The following HBEGF variants were observed in gnomAD, a reference collection of about 807,000 sequenced individuals.
HBEGF encodes the protein proheparin-binding EGF-like growth factor.
Under a neutral mutation model 19.5 loss-of-function variants are expected in HBEGF, and 8 were observed. That is an observed-to-expected ratio of 0.41 (90% confidence interval 0.24 to 0.74). HBEGF has a LOEUF of 0.74. Ranked by LOEUF, HBEGF falls within the 30% of genes least tolerant of loss-of-function variation. The probability of loss-of-function intolerance (pLI) is 0.32; values close to 1 mark genes in which losing one functional copy is unlikely to be tolerated. For synonymous variants in HBEGF, 97 were observed against 108.9 expected (o/e 0.89, Z 0.68); for missense variants, 207 against 256.9 (o/e 0.81, Z 1.33).
intron 2 of HBEGF, among the ~76,000 whole-genome samples, chr5:140,345,695 G>A (rs1766385312): frequency 6.6e-6 from 1 of 152,094 alleles, no homozygotes; most frequent in African/African-American, 2.4e-5. Flanking sequence ...GGAGTACCCA[G>A]AAGGGCAGCA....
At chr5:140,344,317 T>C (rs1436144168) in intron 2 of HBEGF, among the ~76,000 whole-genome samples, 1 of 152,144 alleles carries the variant, frequency 6.6e-6, no homozygotes, top group East Asian at 1.9e-4. Context: ...GCACCTGAGA[T>C]GCTGATCCAG....
At chr5:140,343,216 C>T (rs1197541440) in intron 2 of HBEGF, among the ~76,000 whole-genome samples, 2 of 152,156 alleles carry the variant, frequency 1.3e-5, no homozygotes, top group South Asian at 2.1e-4. Context: ...TTTCCTGATG[C>T]TGTACTCAGT....
chr5:140,335,763 G>T, intron 4 of HBEGF, 109 bp downstream of exon 4: 1 of 1,201,650 alleles, frequency 8.3e-7, no homozygotes, highest in Non-Finnish European at 1.2e-6. Flanking sequence ...GCTAGCCCAT[G>T]ATTTGGAAAG....
At chr5:140,345,536 A>G (rs1766382811) in intron 2 of HBEGF, among the ~76,000 whole-genome samples, 2 of 152,160 alleles carry the variant, frequency 1.3e-5, no homozygotes, top group African/African-American at 4.8e-5. Flanking sequence ...TTTATATATA[A>G]TAGTCATTTG....
intron 2 of HBEGF, among the ~76,000 whole-genome samples, chr5:140,345,444 C>A (rs1195675273): frequency 6.6e-6 from 1 of 152,212 alleles, no homozygotes; most frequent in African/African-American, 2.4e-5. Context: ...TTTCCCCAAT[C>A]TGGAGACAGG....
chr5:140,336,737 G>A (rs1272718717), intron 3 of HBEGF, among the ~76,000 whole-genome samples: 1 of 152,018 alleles, frequency 6.6e-6, no homozygotes, highest in Non-Finnish European at 1.5e-5. Context: ...CAGCTGCCCT[G>A]CCAGAGCATG....
Position 140,336,053 on chromosome 5 carries a change from G to A in HBEGF, c.399-26C>T, listed in dbSNP as rs761555540. 4 of 1,609,912 alleles carry A rather than the reference G, an allele frequency of 2.5e-6. No homozygotes were observed. The Admixed American group carries it at 6.7e-5, about 27-fold the overall frequency. On this transcript the variant is annotated intron_variant, in intron 3 of 5. Coordinates refer to ENST00000230990, the MANE Select transcript of HBEGF (RefSeq NM_001945.3). ...CTAGTTCAAGACAGAACAAGAAGGA[G>A]ATGGAGTTAGTGCTTTGGCCTCTCT...
chr5:140,340,582 CAAAAAAAA>C (rs61489261), intron 3 of HBEGF, among the ~76,000 whole-genome samples: 33 of 59,840 alleles, frequency 5.5e-4, no homozygotes, highest in Non-Finnish European at 8.6e-4. Context: ...GACTCTGTCT[CAAAAAAAA>C]AAAAAAAAAA....
chr5:140,346,130 T>C lies in HBEGF; in HGVS notation c.47-46A>G, dbSNP rs773532744. ...CGCATCAGACACCCGCCCAGACCCC[T>C]GACCAACACGCACCGATGCCGACGC... On this transcript the variant is annotated intron_variant, in intron 1 of 5. Coordinates refer to ENST00000230990, the MANE Select transcript of HBEGF (RefSeq NM_001945.3). The surrounding 1 kb of genome is among the most constrained non-coding windows in gnomAD (Gnocchi z 6.1). 1.3e-6 allele frequency: 2 copies of C among 1,590,370 alleles called. No homozygotes were observed. The highest frequency in any genetic ancestry group is 8.6e-7 in the Non-Finnish European group (1 of 1,168,588).
intron 3 of HBEGF, among the ~76,000 whole-genome samples, chr5:140,338,403 C>T (rs1388714669): frequency 1.3e-5 from 2 of 152,178 alleles, no homozygotes; most frequent in African/African-American, 2.4e-5. Flanking sequence ...GCTAGTGAGT[C>T]GTAGAGCCAG....
chr5:140,335,038 G>A, intron 4 of HBEGF: 1 of 451,348 alleles, frequency 2.2e-6, no homozygotes, highest in Non-Finnish European at 4.0e-6. Context: ...ACAATCCTCA[G>A]AAAGACAGTA....
rs867532523 is a variant in HBEGF at position 140,345,988 on chromosome 5, T to C, written c.143A>G (p.Asp48Gly). Residue 48 changes from aspartate (D) to glycine (G), a missense_variant, in exon 2 of 6, where the codon GAC becomes GGC. By Grantham distance (94) the Asp-to-Gly change is moderately conservative. This residue lies in a region of HBEGF where 127 missense variants were observed against 132.7 expected (regional missense o/e 0.96). Transcript: ENST00000230990. Reference protein sequence around the residue: ...SNPDPPTVSTDQLLPLGGGRD... With the variant: ...SNPDPPTVSTGQLLPLGGGRD... ...GCCGCCTCCTAGGGGTAGCAGCTGG[T>C]CCGTGGATACAGTGGGAGGGTCCGG... 3 of 1,614,098 alleles carry C rather than the reference T, an allele frequency of 1.9e-6. No individual in the cohort carries two copies. In the South Asian group the frequency reaches 3.3e-5, roughly 18 times the overall value.
At chr5:140,343,153 T>A (rs1055703429) in intron 2 of HBEGF, 1 of 244,938 alleles carries the variant, frequency 4.1e-6, no homozygotes, top group African/African-American at 2.2e-5. Flanking sequence ...TACACCCCCA[T>A]CTCCTACTCC....
At chr5:140,345,367 C>T (rs1766379245) in intron 2 of HBEGF, among the ~76,000 whole-genome samples, 1 of 152,132 alleles carries the variant, frequency 6.6e-6, no homozygotes, top group Non-Finnish European at 1.5e-5. Flanking sequence ...ATACAGCCCC[C>T]TAGGGGCTCA....
chr5:140,342,127 G>A (rs1766322467), intron 3 of HBEGF, among the ~76,000 whole-genome samples: 1 of 152,212 alleles, frequency 6.6e-6, no homozygotes, highest in East Asian at 1.9e-4. Context: ...CTGCCGCCAT[G>A]ATGATCCCTC....
intron 3 of HBEGF, among the ~76,000 whole-genome samples, chr5:140,339,107 C>T (rs1766270605): frequency 6.6e-6 from 1 of 152,200 alleles, no homozygotes; most frequent in Non-Finnish European, 1.5e-5. Context: ...AAGGCCAAGT[C>T]CCACATTGTG....
rs1464515828 is a variant in HBEGF, at chr5:140,346,280, T to C, written c.46+3A>G. The C allele has an allele frequency of 3.7e-6, 6 of 1,605,530 alleles. No homozygotes were observed. The highest frequency in any genetic ancestry group is 5.1e-6 in the Non-Finnish European group (6 of 1,176,660). Reference sequence around the variant, plus strand: ...TCTCCGGGGGCGTCGGCAGCCCTCTTACCTGCAGCCAGAAAGAGCTTCAGC... The same window carrying C: ...TCTCCGGGGGCGTCGGCAGCCCTCTCACCTGCAGCCAGAAAGAGCTTCAGC... On this transcript the variant is annotated splice_donor_region_variant and intron_variant, in intron 1 of 5. Coordinates refer to ENST00000230990, the MANE Select transcript of HBEGF (RefSeq NM_001945.3). The surrounding 1 kb of genome is among the most constrained non-coding windows in gnomAD (Gnocchi z 6.1).
intron 2 of HBEGF, among the ~76,000 whole-genome samples, chr5:140,345,169 T>G (rs1296686640): frequency 6.6e-6 from 1 of 152,148 alleles, no homozygotes; most frequent in Admixed American, 6.5e-5. Context: ...CTCTGGATAA[T>G]CTCCTCAGGT....
intron 5 of HBEGF, 146 bp from the exon 6 acceptor site, chr5:140,334,426 G>C: frequency 2.0e-6 from 1 of 511,370 alleles, no homozygotes; most frequent in South Asian, 2.9e-5. Context: ...GGGAAGGGAG[G>C]GGATGAGGGT....
Sources: gnomAD v4.1 joint callset for allele counts (sites outside exome capture counted in the v4.1 genomes callset) on GRCh38, gnomAD v4.1.1 for gene constraint, gnomAD v4.1.1 regional missense constraint, Gnocchi (gnomAD v3.1) non-coding constraint, MANE v1.5 for transcripts, NCBI Gene and HGNC (gene_info 2026-07-23, HGNC 2026-07-21) for gene names.